The following SAMD5 variants were observed in gnomAD, a reference collection of about 807,000 sequenced individuals.
SAMD5 encodes sterile alpha motif domain containing 5.
Under a neutral mutation model 11.3 loss-of-function variants are expected in SAMD5, and 13 were observed. The ratio of observed to expected loss-of-function variants is 1.15; its 90% CI spans 0.75 to 1.83. The LOEUF (loss-of-function observed/expected upper bound fraction) is 1.83. Ranked by LOEUF, SAMD5 falls within the 40% of genes most tolerant of loss-of-function variation. SAMD5 has a pLI of 0.00. For synonymous variants in SAMD5, 129 were observed against 111.3 expected (o/e 1.16, Z -1.00); for missense variants, 255 against 239.1 (o/e 1.07, Z -0.44).
the SAMD5 span, among the ~76,000 whole-genome samples, chr6:147,873,670 G>A: frequency 6.6e-6 from 1 of 151,942 alleles, no homozygotes; most frequent in Non-Finnish European, 1.5e-5. Flanking sequence ...TTTATTAAGT[G>A]GTTCTAATTT....
At chr6:147,550,029 G>A (rs1478053309) in intron 1 of SAMD5, among the ~76,000 whole-genome samples, 1 of 151,058 alleles carries the variant, frequency 6.6e-6, no homozygotes, top group Non-Finnish European at 1.5e-5. Context: ...AGGATCACTT[G>A]GGCCCAGGAT....
At chr6:147,744,719 G>A in the SAMD5 span, among the ~76,000 whole-genome samples, 1 of 152,054 alleles carries the variant, frequency 6.6e-6, no homozygotes, top group African/African-American at 2.4e-5. Context: ...CCAACATGGT[G>A]AAAACCTGTC....
At chr6:147,621,590 G>A (rs545378690) in intron 1 of SAMD5, among the ~76,000 whole-genome samples, 141 of 152,268 alleles carry the variant, frequency 9.3e-4, no homozygotes, top group African/African-American at 3.1e-3. Context: ...ATTTTTCTTC[G>A]CTAGTGATGA....
chr6:147,869,220 A>C, the SAMD5 span, among the ~76,000 whole-genome samples: 1 of 152,238 alleles, frequency 6.6e-6, no homozygotes, highest in East Asian at 1.9e-4. Context: ...ATGAGGCACG[A>C]GTGTGCAGAT....
chr6:147,936,594 T>G, the SAMD5 span, among the ~76,000 whole-genome samples: 1 of 152,234 alleles, frequency 6.6e-6, no homozygotes, highest in African/African-American at 2.4e-5. Flanking sequence ...AGATCCCACC[T>G]CCAATACTGG....
At chr6:147,539,114 G>A (rs934697688) in intron 1 of SAMD5, among the ~76,000 whole-genome samples, 1 of 152,170 alleles carries the variant, frequency 6.6e-6, no homozygotes, top group Non-Finnish European at 1.5e-5. Flanking sequence ...GTAAGCAGCT[G>A]AAGGCAAAGA....
At chr6:147,939,253 A>G in the SAMD5 span, among the ~76,000 whole-genome samples, 1 of 152,152 alleles carries the variant, frequency 6.6e-6, no homozygotes, top group Admixed American at 6.5e-5. Context: ...AAGGTCTCTG[A>G]ACCCCATTGT....
At chr6:147,846,371 C>T in the SAMD5 span, among the ~76,000 whole-genome samples, 1 of 152,150 alleles carries the variant, frequency 6.6e-6, no homozygotes, top group African/African-American at 2.4e-5. Flanking sequence ...CACATGAGTA[C>T]ATGTATAACT....
chr6:147,603,454 A>G (rs1240975280), intron 1 of SAMD5, among the ~76,000 whole-genome samples: 1 of 152,158 alleles, frequency 6.6e-6, no homozygotes, highest in Non-Finnish European at 1.5e-5. Context: ...CCCAAAGGCA[A>G]TCCTTACTTC....
chr6:147,825,967 G>A, the SAMD5 span, among the ~76,000 whole-genome samples: 2 of 152,166 alleles, frequency 1.3e-5, no homozygotes, highest in East Asian at 1.9e-4. Flanking sequence ...GTAATAATAT[G>A]TATTGGCACA....
In SAMD5 at chr6:147,567,308, G is replaced by A. The variant is rs376962685; in HGVS notation, c.*2852G>A. ...CTGGGAGCATACGAGCAATTTCTCA[G>A]TTCAGAGATATTTATAGCATCTTGG... On this transcript the variant is annotated 3_prime_UTR_variant, in exon 2 of 2. Transcript: ENST00000367474. 1.0e-6 allele frequency: 1 copy of A among 985,376 alleles called. No homozygotes were observed. The highest frequency in any genetic ancestry group is 1.2e-6 in the Non-Finnish European group (1 of 829,878). 61.0% of individuals were successfully genotyped at this position (985,376 alleles called of 1,614,324 possible).
chr6:147,862,251 C>T, the SAMD5 span, among the ~76,000 whole-genome samples: 1 of 152,028 alleles, frequency 6.6e-6, no homozygotes, highest in African/African-American at 2.4e-5. Context: ...CTTTCTCCCT[C>T]GAGAGTATGT....
At chr6:147,952,229 C>T in the SAMD5 span, among the ~76,000 whole-genome samples, 4 of 152,168 alleles carry the variant, frequency 2.6e-5, no homozygotes, top group African/African-American at 9.7e-5. Context: ...CAGCTATTTA[C>T]AGTCAGTTTG....
intron 1 of SAMD5, 150 bp from the exon 2 acceptor site, chr6:147,564,244 C>G (rs1788999416): frequency 2.0e-6 from 1 of 504,776 alleles, no homozygotes; most frequent in Non-Finnish European, 3.6e-6. Flanking sequence ...AGATAACAAG[C>G]AAAAACTCTT....
intron 1 of SAMD5, chr6:147,730,174 A>T: frequency 2.4e-6 from 1 of 416,878 alleles, no homozygotes; most frequent in Non-Finnish European, 4.6e-6. Flanking sequence ...TTCGGGAAAG[A>T]GCCTTGGGGG....
At chr6:147,844,714 G>A in the SAMD5 span, among the ~76,000 whole-genome samples, 7 of 151,084 alleles carry the variant, frequency 4.6e-5, no homozygotes, top group Non-Finnish European at 8.8e-5. Flanking sequence ...CAACATGGAT[G>A]AGCCTAGATG....
At chr6:147,762,099 A>G in the SAMD5 span, among the ~76,000 whole-genome samples, 3 of 152,184 alleles carry the variant, frequency 2.0e-5, no homozygotes, top group Non-Finnish European at 1.5e-5. Flanking sequence ...CTGTAGCTAC[A>G]ATACAATATT....
Position 147,602,573 on chromosome 6 carries a change from G to A in SAMD5, c.162+93186G>A, listed in dbSNP as rs984325188. ...AGCCTGGCCAACATGGCAAAACCCC[G>A]TTTCTACTAAAAATACAAAAATTAG... On this transcript the variant is annotated intron_variant, in intron 1 of 1. Transcript: ENST00000566741. 1.8e-4 allele frequency among the ~76,000 whole-genome samples: 28 copies of A among 152,140 alleles called. 1 individual carries two copies. Among genetic ancestry groups the A allele is most frequent in the Non-Finnish European group, 3.1e-4 (21 of 67,990 alleles).
chr6:147,583,947 A>G (rs755976086), intron 1 of SAMD5, among the ~76,000 whole-genome samples: 11 of 152,136 alleles, frequency 7.2e-5, no homozygotes, highest in Non-Finnish European at 1.3e-4. Context: ...TTTCTAAAAC[A>G]AGTATAAATA....
Sources: allele counts gnomAD v4.1 joint callset (sites outside exome capture counted in the v4.1 genomes callset), GRCh38; gene constraint gnomAD v4.1.1; transcripts MANE v1.5; gene names NCBI Gene and HGNC (gene_info 2026-07-23, HGNC 2026-07-21).